The following SYNE1 variants were observed in gnomAD, a reference collection of about 807,000 sequenced individuals.
SYNE1 encodes the protein spectrin repeat containing nuclear envelope protein 1, also known as nesprin-1.
SYNE1 carries 616 observed loss-of-function variants against 1,111.0 expected under a neutral mutation model. The ratio of observed to expected loss-of-function variants is 0.55; its 90% CI spans 0.52 to 0.59. The LOEUF (loss-of-function observed/expected upper bound fraction) is 0.59, where lower values mean the gene tolerates loss of function less well. Among genes scored for constraint, SYNE1 ranks in the 20% least tolerant of loss-of-function variants. The pLI, the probability that SYNE1 is intolerant of heterozygous loss-of-function variation, is 0.00. For missense variants in SYNE1, 10,006 were observed against 10,417.0 expected, an observed-to-expected ratio of 0.96 and a Z score of 1.72; for synonymous variants, 3,855 against 3,825.8, an observed-to-expected ratio of 1.01 and a Z score of -0.28.
intron 70 of SYNE1, among the ~76,000 whole-genome samples, chr6:152,351,263 T>C (rs1005289514): frequency 2.0e-5 from 3 of 152,304 alleles, no homozygotes; most frequent in Admixed American, 6.5e-5. Flanking sequence ...GTGATTCTTA[T>C]ATGGCCTCTT....
At chr6:152,367,850 G>T in intron 61 of SYNE1, 1 of 195,580 alleles carries the variant, frequency 5.1e-6, no homozygotes, top group South Asian at 9.5e-5. Flanking sequence ...ATCAATTATA[G>T]GTTATATCTA....
intron 100 of SYNE1, among the ~76,000 whole-genome samples, chr6:152,263,687 C>A (rs917818683): frequency 6.6e-5 from 10 of 152,014 alleles, no homozygotes; most frequent in African/African-American, 2.4e-4. Flanking sequence ...AGTGAGCCAC[C>A]ATGGCTAGCC....
chr6:152,165,072 G>GCCCCCCCC (rs71017524), intron 130 of SYNE1, among the ~76,000 whole-genome samples: 2 of 148,930 alleles, frequency 1.3e-5, no homozygotes, highest in African/African-American at 2.5e-5. Flanking sequence ...AGATATTCGC[G>GCCCCCCCC]CCCCCTCCCC....
In SYNE1 at chr6:152,249,391, T is replaced by A. The variant is rs2088420597; in HGVS notation, c.19471-129A>T. The A allele has an allele frequency of 7.0e-6, 5 of 710,558 alleles. No homozygotes were observed. The South Asian group carries it at 7.4e-5, about 11-fold the overall frequency. The allele number at this position is 710,558 out of a possible 1,614,324, so 44.0% of individuals were successfully genotyped here. A position where few individuals can be genotyped will look rare whatever the true frequency, so the allele number is the denominator to read the frequency against. ...TTAATTTCCAGGAGAAACAATACTG[T>A]GCTATGGGAAGGTAAAAGGAACTGG... On this transcript the variant is annotated intron_variant, in intron 104 of 145. Coordinates refer to ENST00000367255, the MANE Select transcript of SYNE1 (RefSeq NM_182961.4).
chr6:152,208,040 G>T lies in SYNE1; in HGVS notation c.22756C>A (p.Pro7586Thr), dbSNP rs1370604391. The T allele has an allele frequency of 3.7e-6, 6 of 1,614,106 alleles. No individual in the cohort carries two copies. Among genetic ancestry groups the T allele is most frequent in the Non-Finnish European group, 5.1e-6 (6 of 1,180,012 alleles). ...GGAACACTTCCGAGACCACTCATGG[G>T]GAGGTAGGACACTTCAACCAACCAT... Reference protein sequence around the residue: ...RKWLVEVSYLPMSGLGSVPIP... With the variant: ...RKWLVEVSYLTMSGLGSVPIP... Residue 7586 changes from proline (P) to threonine (T), a missense_variant, in exon 125 of 146, where the codon CCC (proline) becomes ACC (threonine). Around this residue, in one of 7 missense-constraint regions of SYNE1, gnomAD observed 2,182 missense variants for 2,287.8 expected, o/e 0.95. Transcript: ENST00000367255.
At chr6:152,234,948 T>C in intron 110 of SYNE1, 148 bp from the exon 111 acceptor site, 1 of 889,470 alleles carries the variant, frequency 1.1e-6, no homozygotes. Context: ...TGAAATTTTC[T>C]TCATATTGAT....
chr6:152,369,665 T>C (rs758711524), intron 59 of SYNE1, 51 bp from the exon 60 acceptor site: 1 of 1,605,292 alleles, frequency 6.2e-7, no homozygotes, highest in Non-Finnish European at 8.5e-7. Flanking sequence ...TAATAGCAAG[T>C]CCAAGGTCCT....
In SYNE1 at chr6:152,377,671, A is replaced by C. The variant is rs1290618153; in HGVS notation, c.9010-759T>G. 1.3e-3 allele frequency among the ~76,000 whole-genome samples: 175 copies of C among 130,554 alleles called. 1 individual carries two copies. The highest frequency in any genetic ancestry group is 4.0e-3 in the African/African-American group (141 of 35,058). The allele number at this position is 130,554 out of a possible 152,430, so 85.6% of individuals were successfully genotyped here. A position where few individuals can be genotyped will look rare whatever the true frequency, so the allele number is the denominator to read the frequency against. ...TATATATATATATATATATATATAT[A>C]TCTCCAAAATTGAATCCTGTTTCAA... On this transcript the variant is annotated intron_variant, in intron 56 of 145. Coordinates refer to ENST00000367255, the MANE Select transcript of SYNE1 (RefSeq NM_182961.4).
intron 93 of SYNE1, among the ~76,000 whole-genome samples, chr6:152,295,977 G>A (rs1197098246): frequency 6.6e-6 from 1 of 152,178 alleles, no homozygotes; most frequent in Non-Finnish European, 1.5e-5. Flanking sequence ...ACACGTGAAT[G>A]CACTTGCACA....
intron 66 of SYNE1, among the ~76,000 whole-genome samples, chr6:152,357,203 T>C (rs1199103252): frequency 2.0e-5 from 3 of 152,190 alleles, no homozygotes; most frequent in African/African-American, 7.2e-5. Flanking sequence ...GTGGATGAAA[T>C]TGGGTCAGAG....
At chr6:152,427,935 G>T in intron 37 of SYNE1, 119 bp from the exon 38 acceptor site, 2 of 1,425,158 alleles carry the variant, frequency 1.4e-6, no homozygotes, top group Non-Finnish European at 1.9e-6. Flanking sequence ...AGTTATCTCA[G>T]TCTTAGATAT....
intron 87 of SYNE1, 129 bp downstream of exon 87, chr6:152,316,720 C>T (rs1362452592): frequency 2.5e-5 from 25 of 1,015,322 alleles, no homozygotes; most frequent in Non-Finnish European, 3.4e-5. Flanking sequence ...CTTAGGGGTA[C>T]CTTAGCATTC....
intron 124 of SYNE1, 69 bp from the exon 125 acceptor site, chr6:152,208,275 G>A: frequency 1.4e-6 from 2 of 1,380,238 alleles, no homozygotes; most frequent in Non-Finnish European, 2.0e-6. Context: ...ATCAGCCAAT[G>A]TATACACTGT....
rs983431074 is a variant in SYNE1, at chr6:152,430,562, G to A, written c.4609C>T (p.Arg1537Ter). The change falls in exon 35 of 146, where the codon CGA (arginine) becomes TGA (stop). Residue 1537 changes from arginine to a stop codon, truncating the protein, a stop_gained. Transcript: ENST00000367255. LOFTEE classifies it high-confidence loss of function. ...CCTTCCAGACACTGTGCATGCTCTC[G>A]AAGCTCTTCCCCGTATCTTCTTATT... ...TQIRRYGEEL[R>*]EHAQCLEGTI... 1.2e-6 allele frequency: 2 copies of A among 1,614,036 alleles called. No individual in the cohort carries two copies. Among genetic ancestry groups the A allele is most frequent in the East Asian group, 2.2e-5 (1 of 44,870 alleles).
At chr6:152,622,493 C>G (rs946886816) in intron 3 of SYNE1, among the ~76,000 whole-genome samples, 59 of 152,216 alleles carry the variant, frequency 3.9e-4, no homozygotes, top group African/African-American at 1.4e-3. Flanking sequence ...TCATGTAGCT[C>G]CCACTTATAA....
intron 45 of SYNE1, among the ~76,000 whole-genome samples, chr6:152,405,704 G>A (rs112677330): frequency 0.028 from 4,196 of 152,276 alleles, 209 homozygotes; most frequent in African/African-American, 0.096. Context: ...CTTTGGAGCT[G>A]TAATGTTAGT....
chr6:152,610,667 A>C (rs2099628636), intron 3 of SYNE1, among the ~76,000 whole-genome samples: 2 of 152,168 alleles, frequency 1.3e-5, no homozygotes, highest in Non-Finnish European at 2.9e-5. Context: ...ACTCCTCGAG[A>C]AGAGCAACCC....
chr6:152,636,914 C>G (rs1394539854), intron 1 of SYNE1, 109 bp from the exon 2 acceptor site: 1 of 152,388 alleles, frequency 6.6e-6, no homozygotes, highest in Admixed American at 6.5e-5. Flanking sequence ...CCGGGCTGCT[C>G]AGCCGCGCTC....
chr6:152,537,934 T>A (rs2099251408), intron 4 of SYNE1, among the ~76,000 whole-genome samples: 1 of 152,152 alleles, frequency 6.6e-6, no homozygotes, highest in Non-Finnish European at 1.5e-5. Context: ...TAAATTTAAC[T>A]CATAAACGGT....
Sources: gnomAD v4.1 joint callset for allele counts (sites outside exome capture counted in the v4.1 genomes callset) on GRCh38, gnomAD v4.1.1 for gene constraint, gnomAD v4.1.1 regional missense constraint, MANE v1.5 for transcripts, NCBI Gene and HGNC (gene_info 2026-07-23, HGNC 2026-07-21) for gene names.